Variants in SLC31A2 observed in about 807,000 individuals in gnomAD.
The protein encoded by SLC31A2 is protein SLC31A2.
Under a neutral mutation model 14.4 loss-of-function variants are expected in SLC31A2, and 16 were observed. The ratio of observed to expected loss-of-function variants is 1.11; its 90% CI spans 0.75 to 1.69. The LOEUF is 1.69. Ranked by LOEUF, SLC31A2 falls within the 40% of genes most tolerant of loss-of-function variation. The pLI is 0.00. For missense variants in SLC31A2, 140 were observed against 173.9 expected, an observed-to-expected ratio of 0.81 and a Z score of 1.10; for synonymous variants, 56 against 68.7, an observed-to-expected ratio of 0.82 and a Z score of 0.91.
At chr9:113,153,578 C>T (rs577121161) in intron 1 of SLC31A2, among the ~76,000 whole-genome samples, 16 of 152,274 alleles carry the variant, frequency 1.1e-4, no homozygotes, top group Admixed American at 9.2e-4. Context: ...TATGTACCTT[C>T]CTTGTTAAAG....
intron 1 of SLC31A2, chr9:113,156,234 C>G (rs1337046034): frequency 8.7e-6 from 4 of 460,918 alleles, no homozygotes; most frequent in Middle Eastern, 1.6e-3. Context: ...ATATCTTCCT[C>G]CCTTGAACAG....
chr9:113,162,065 G>A (rs1054200880), intron 3 of SLC31A2: 10 of 361,628 alleles, frequency 2.8e-5, no homozygotes, highest in Non-Finnish European at 5.2e-5. Flanking sequence ...CTGTCCTGAA[G>A]CAATGTATCC....
At chr9:113,162,652 C>G (rs10513187) in intron 3 of SLC31A2, 97 bp from the exon 4 acceptor site, 32,096 of 1,126,300 alleles carry the variant, frequency 0.028, 601 homozygotes, top group Middle Eastern at 0.065. Context: ...TCAATCGGGT[C>G]ACGTAACTCA....
chr9:113,152,773 C>T (rs1289132129), intron 1 of SLC31A2, among the ~76,000 whole-genome samples: 5 of 152,234 alleles, frequency 3.3e-5, no homozygotes, highest in African/African-American at 1.2e-4. Flanking sequence ...TCAAATTACT[C>T]TTACTGTTCT....
At position 113,157,811 on chromosome 9, in the gene SLC31A2, CA is replaced by C; in HGVS notation, c.73+19del. ...TCCTGCTGGTAAGAATTGGGGACCT[CA>C]GACTTGTAGCTTGGAAAGCCTTGTA... On this transcript the variant is annotated intron_variant, in intron 2 of 3. Coordinates refer to ENST00000259392, the MANE Select transcript of SLC31A2 (RefSeq NM_001860.3). 1 of 1,602,670 alleles carries C rather than the reference CA, an allele frequency of 6.2e-7. No homozygotes were observed. Among genetic ancestry groups the C allele is most frequent in the South Asian group, 1.1e-5 (1 of 90,064 alleles).
In SLC31A2 at chr9:113,151,112, G is replaced by T; in HGVS notation, c.6+32G>T. ...GCCGGGCGCTACGGTGAAGAGGGTG[G>T]GCGGTTGGGGCGGGGTCTCCTGGAG... is the stretch of plus-strand genomic sequence containing the variant. On this transcript the variant is annotated intron_variant, in intron 1 of 3. Transcript: ENST00000259392. The surrounding 1 kb of genome is among the most constrained non-coding windows in gnomAD (Gnocchi z 4.2). 7.7e-7 allele frequency: 1 copy of T among 1,295,736 alleles called. No individual in the cohort carries two copies. The highest frequency in any genetic ancestry group is 9.9e-7 in the Non-Finnish European group (1 of 1,014,106). The allele number at this position is 1,295,736 out of a possible 1,614,324, so 80.3% of individuals were successfully genotyped here. A position where few individuals can be genotyped will look rare whatever the true frequency, so the allele number is the denominator to read the frequency against.
In SLC31A2 at chr9:113,163,869, A is replaced by C. The variant is rs946412684; in HGVS notation, c.*952A>C. The C allele has an allele frequency of 2.0e-5, 3 of 152,504 alleles. No individual in the cohort carries two copies. Among genetic ancestry groups the C allele is most frequent in the African/African-American group, 7.2e-5 (3 of 41,398 alleles). 9.4% of individuals were successfully genotyped at this position (152,504 alleles called of 1,614,324 possible). The stretch of plus-strand genomic sequence containing the variant: ...TATTACTTACTGCTTACTCGTAATG[A>C]TCTAGTGGGGAAACATGATTCATTC... On this transcript the variant is annotated 3_prime_UTR_variant, in exon 4 of 4. Transcript: ENST00000259392.
At chr9:113,152,184 T>C (rs1251096491) in intron 1 of SLC31A2, 1 of 152,192 alleles carries the variant, frequency 6.6e-6, no homozygotes, top group East Asian at 1.9e-4. Flanking sequence ...TTCCAGGGAT[T>C]GCTCCCTCCT....
Position 113,163,473 on chromosome 9 carries a change from T to G in SLC31A2, c.*556T>G, listed in dbSNP as rs1261431502. ...GGATCATGTTGACAAACTAAGTTTT[T>G]TTTATTTTTCCCATTGAACTCCTAG... On this transcript the variant is annotated 3_prime_UTR_variant, in exon 4 of 4. Transcript: ENST00000259392. 6.6e-6 allele frequency: 1 copy of G among 152,634 alleles called. No homozygotes were observed. The highest frequency in any genetic ancestry group is 2.4e-5 in the African/African-American group (1 of 41,446). 9.5% of individuals were successfully genotyped at this position (152,634 alleles called of 1,614,324 possible). A position where few individuals can be genotyped will look rare whatever the true frequency, so the allele number is the denominator to read the frequency against.
chr9:113,161,463 C>T, intron 2 of SLC31A2, 46 bp from the exon 3 acceptor site: 5 of 1,570,442 alleles, frequency 3.2e-6, no homozygotes, highest in Non-Finnish European at 4.4e-6. Context: ...GGAAGGGAAA[C>T]AGTGCTGGCC....
intron 2 of SLC31A2, 59 bp from the exon 3 acceptor site, chr9:113,161,450 G>T: frequency 6.7e-7 from 1 of 1,492,128 alleles, no homozygotes; most frequent in Non-Finnish European, 9.3e-7. Context: ...AGGTGGAGGT[G>T]CTGGAAGGGA....
chr9:113,159,794 T>A (rs1165920052), intron 2 of SLC31A2, among the ~76,000 whole-genome samples: 2 of 152,238 alleles, frequency 1.3e-5, no homozygotes, highest in South Asian at 2.1e-4. Flanking sequence ...TCTGGCCAAC[T>A]GGCTATATGT....
intron 1 of SLC31A2, among the ~76,000 whole-genome samples, chr9:113,156,328 G>T (rs879050006): frequency 6.6e-6 from 1 of 152,024 alleles, no homozygotes; most frequent in East Asian, 1.9e-4. Context: ...GAAATGAGAG[G>T]GGGTGGAGAG....
intron 1 of SLC31A2, among the ~76,000 whole-genome samples, chr9:113,155,446 T>C (rs2118827616): frequency 6.6e-6 from 1 of 152,304 alleles, no homozygotes; most frequent in Non-Finnish European, 1.5e-5. Context: ...AGTTAAGACA[T>C]ATAACATTTT....
At chr9:113,159,235 A>T (rs993841418) in intron 2 of SLC31A2, among the ~76,000 whole-genome samples, 2 of 152,094 alleles carry the variant, frequency 1.3e-5, no homozygotes, top group African/African-American at 4.8e-5. Context: ...GGTTCAAGCA[A>T]TTCTCTTGCC....
chr9:113,161,776 C>G (rs563077982), intron 3 of SLC31A2, 78 bp downstream of exon 3: 7 of 1,486,478 alleles, frequency 4.7e-6, no homozygotes, highest in Non-Finnish European at 6.5e-6. Flanking sequence ...ACAGCATTAG[C>G]CCCACTTCAC....
In SLC31A2 at chr9:113,162,074, C is replaced by T. The variant is rs1457577110; in HGVS notation, c.263+376C>T. ...CTGCAGCTGTCCTGAAGCAATGTATCCCACTTGGTGGGAGGAGGATGACAA... is the reference window on the plus strand; with the variant it reads ...CTGCAGCTGTCCTGAAGCAATGTATTCCACTTGGTGGGAGGAGGATGACAA... On this transcript the variant is annotated intron_variant, in intron 3 of 3. Coordinates refer to ENST00000259392, the MANE Select transcript of SLC31A2 (RefSeq NM_001860.3). The T allele has an allele frequency of 8.5e-6, 3 of 351,648 alleles. No individual in the cohort carries two copies. The East Asian group carries it at 2.4e-4, about 28-fold the overall frequency. The allele number at this position is 351,648 out of a possible 1,614,324, so 21.8% of individuals were successfully genotyped here.
At chr9:113,157,879 G>A in intron 2 of SLC31A2, 86 bp downstream of exon 2, 2 of 999,110 alleles carry the variant, frequency 2.0e-6, no homozygotes, top group Non-Finnish European at 3.1e-6. Context: ...GATTCTCTGT[G>A]GGCATTTAAG....
At chr9:113,161,127 C>T (rs779917165) in intron 2 of SLC31A2, 2 of 182,920 alleles carry the variant, frequency 1.1e-5, no homozygotes, top group African/African-American at 4.8e-5. Flanking sequence ...GCTGAGATAA[C>T]TATTACTCTT....
Sources: gnomAD v4.1 joint callset for allele counts (sites outside exome capture counted in the v4.1 genomes callset) on GRCh38, gnomAD v4.1.1 for gene constraint, Gnocchi (gnomAD v3.1) non-coding constraint, MANE v1.5 for transcripts, NCBI Gene and HGNC (gene_info 2026-07-23, HGNC 2026-07-21) for gene names.